The following COBL variants were observed in gnomAD, a reference collection of about 807,000 sequenced individuals.
The protein encoded by COBL is protein cordon-bleu.
A neutral mutation model predicts 98.8 loss-of-function variants in COBL; 51 were observed. That is an observed-to-expected ratio of 0.52 (90% confidence interval 0.41 to 0.65). The LOEUF is 0.65. COBL is among the 30% of genes least tolerant of loss of function. The pLI is 0.00. For missense variants in COBL, 1,617 were observed against 1,617.5 expected (o/e 1.00, Z 0.01); for synonymous variants, 634 against 651.7 (o/e 0.97, Z 0.41).
At position 51,028,504 on chromosome 7, in the gene COBL, G is replaced by A; in HGVS notation, c.2592C>T (p.Ser864=). 1 of 1,614,264 alleles carries A rather than the reference G, an allele frequency of 6.2e-7. No individual in the cohort carries two copies. The highest frequency in any genetic ancestry group is 1.1e-5 in the South Asian group (1 of 91,088). ...CAATGGCAGAGGCCACATACTGGCT[G>A]GACGTTCTTCTCTGAGGCTTGAGAA... ...VTFLKPQRRT[S]SQYVASAIAK... is the part of the protein sequence containing the mutation. The change falls in exon 10 of 13, where the codon TCC becomes TCT. Residue 864 remains serine, a synonymous_variant. Transcript: ENST00000265136.
chr7:51,131,888 G>A lies in COBL; in HGVS notation c.957+4270C>T, dbSNP rs75643863. Among the ~76,000 whole-genome samples the A allele has an allele frequency of 4.6e-5, 7 of 152,144 alleles. No homozygotes were observed. The East Asian group carries it at 9.7e-4, about 21-fold the overall frequency. On this transcript the variant is annotated intron_variant, in intron 6 of 12. Transcript: ENST00000265136. Reference sequence around the variant, plus strand: ...ATTACAGGCATGAGCCACCATGCCCGGTGATTTTTCTTCTTAAACAGAAGC... The same window carrying A: ...ATTACAGGCATGAGCCACCATGCCCAGTGATTTTTCTTCTTAAACAGAAGC...
intron 1 of COBL, among the ~76,000 whole-genome samples, chr7:51,249,165 T>C (rs549748855): frequency 2.6e-4 from 39 of 152,270 alleles, no homozygotes; most frequent in Admixed American, 1.7e-3. Flanking sequence ...ATGAATGGTG[T>C]TCAAGGCAAG....
chr7:51,170,246 T>C (rs963857436), intron 5 of COBL, among the ~76,000 whole-genome samples: 39 of 151,904 alleles, frequency 2.6e-4, no homozygotes, highest in African/African-American at 9.4e-4. Context: ...TATCAGTTTA[T>C]TTCCCCCCAC....
intron 6 of COBL, among the ~76,000 whole-genome samples, chr7:51,103,150 C>A (rs976314769): frequency 2.0e-5 from 3 of 152,168 alleles, no homozygotes; most frequent in African/African-American, 4.8e-5. Context: ...CATCAGCAGC[C>A]CCTATCCCCC....
At chr7:51,213,227 G>C (rs801141) in intron 2 of COBL, among the ~76,000 whole-genome samples, 112,173 of 151,954 alleles carry the variant, frequency 0.74, 41,589 homozygotes, top group East Asian at 0.82. Flanking sequence ...GTCCCCAACC[G>C]CCTGCCACAG....
At chr7:51,147,700 A>G (rs370992990) in intron 5 of COBL, among the ~76,000 whole-genome samples, 1 of 151,984 alleles carries the variant, frequency 6.6e-6, no homozygotes, top group Non-Finnish European at 1.5e-5. Flanking sequence ...CAGGGCAAAT[A>G]TTTAGGCGAA....
chr7:51,181,884 G>C (rs371480872), intron 5 of COBL, among the ~76,000 whole-genome samples: 2 of 151,758 alleles, frequency 1.3e-5, no homozygotes, highest in Non-Finnish European at 2.9e-5. Flanking sequence ...ATCCACGGAC[G>C]GGACTGGATC....
intron 1 of COBL, among the ~76,000 whole-genome samples, chr7:51,261,512 A>C (rs1797715154): frequency 6.6e-6 from 1 of 152,148 alleles, no homozygotes; most frequent in Admixed American, 6.5e-5. Flanking sequence ...CAAAACACCA[A>C]TGGTGATTTC....
chr7:51,150,125 G>C (rs1785421143), intron 5 of COBL, among the ~76,000 whole-genome samples: 1 of 152,158 alleles, frequency 6.6e-6, no homozygotes, highest in African/African-American at 2.4e-5. Context: ...AAGGGGAAGG[G>C]AGAGGAGCCG....
At chr7:51,053,766 C>T (rs1030294153) in intron 7 of COBL, among the ~76,000 whole-genome samples, 3 of 152,224 alleles carry the variant, frequency 2.0e-5, no homozygotes, top group Non-Finnish European at 4.4e-5. Flanking sequence ...CTTAGCTTCT[C>T]GTCTTTGTGT....
At chr7:51,313,188 T>C (rs1353512220) in intron 1 of COBL, among the ~76,000 whole-genome samples, 2 of 152,210 alleles carry the variant, frequency 1.3e-5, no homozygotes, top group African/African-American at 4.8e-5. Flanking sequence ...TCTAACATGT[T>C]AGCCAAAAGC....
intron 1 of COBL, among the ~76,000 whole-genome samples, chr7:51,305,683 C>T (rs1802393342): frequency 6.6e-6 from 1 of 152,216 alleles, no homozygotes; most frequent in African/African-American, 2.4e-5. Context: ...AGAACACCAG[C>T]TCATTCACAG....
chr7:51,029,957 A>C (rs1046828179), intron 9 of COBL, among the ~76,000 whole-genome samples: 2 of 152,368 alleles, frequency 1.3e-5, no homozygotes, highest in East Asian at 3.9e-4. Context: ...GTCCACTAGA[A>C]GCACAACAAA....
chr7:51,186,535 G>A (rs1789529674), intron 4 of COBL, among the ~76,000 whole-genome samples: 3 of 152,192 alleles, frequency 2.0e-5, no homozygotes, highest in Non-Finnish European at 2.9e-5. Context: ...TCTTGAATGA[G>A]GACAGTGGCT....
intron 5 of COBL, among the ~76,000 whole-genome samples, chr7:51,172,845 G>A (rs1447670346): frequency 6.6e-6 from 1 of 151,498 alleles, no homozygotes; most frequent in Non-Finnish European, 1.5e-5. Context: ...CTGGAGTGTA[G>A]TGGCATGATC....
At chr7:51,030,239 T>A (rs1788012618) in intron 9 of COBL, among the ~76,000 whole-genome samples, 1 of 152,238 alleles carries the variant, frequency 6.6e-6, no homozygotes, top group Admixed American at 6.5e-5. Context: ...ATATCTAATT[T>A]TTAGTTTATT....
intron 1 of COBL, chr7:51,259,506 ACT>A: frequency 1.6e-6 from 1 of 641,112 alleles, no homozygotes; most frequent in African/African-American, 1.8e-5. Context: ...GAGGAAACCC[ACT>A]CTATTTGTGG....
chr7:51,125,620 C>A (rs1798123184), intron 6 of COBL, among the ~76,000 whole-genome samples: 1 of 152,186 alleles, frequency 6.6e-6, no homozygotes, highest in African/African-American at 2.4e-5. Context: ...GCCCTATCAC[C>A]TATAAAACAG....
At chr7:51,241,175 A>G (rs1014410109) in intron 1 of COBL, among the ~76,000 whole-genome samples, 4 of 152,220 alleles carry the variant, frequency 2.6e-5, no homozygotes, top group African/African-American at 9.7e-5. Flanking sequence ...TATTAGAGAG[A>G]GCAAATTCCA....
Sources: gnomAD v4.1 joint callset for allele counts (sites outside exome capture counted in the v4.1 genomes callset) on GRCh38, gnomAD v4.1.1 for gene constraint, MANE v1.5 for transcripts, NCBI Gene and HGNC (gene_info 2026-07-23, HGNC 2026-07-21) for gene names.